FOXP1: variants seen among roughly 807,000 people sequenced by gnomAD.
FOXP1 encodes forkhead box P1.
FOXP1 carries 15 observed loss-of-function variants against 98.2 expected under a neutral mutation model. The observed-to-expected ratio is 0.15, with a 90% CI of 0.10 to 0.24. The LOEUF (loss-of-function observed/expected upper bound fraction) is 0.24. Ranked by LOEUF, FOXP1 falls within the 10% of genes least tolerant of loss-of-function variation. The pLI is 1.00. For missense variants in FOXP1, 633 were observed against 848.5 expected, an observed-to-expected ratio of 0.75 and a Z score of 3.15; for synonymous variants, 371 against 314.5, an observed-to-expected ratio of 1.18 and a Z score of -1.90.
chr3:71,077,295 T>C (rs2053896298), intron 7 of FOXP1, among the ~76,000 whole-genome samples: 1 of 152,180 alleles, frequency 6.6e-6, no homozygotes. Context: ...CCCTGAGGTC[T>C]CTTTTTAGTG....
At chr3:71,029,683 G>A (rs1559761659) in intron 11 of FOXP1, among the ~76,000 whole-genome samples, 1 of 152,086 alleles carries the variant, frequency 6.6e-6, no homozygotes. Context: ...CAGCCACCAC[G>A]CTGGGCCCAT....
intron 5 of FOXP1, among the ~76,000 whole-genome samples, chr3:71,251,050 G>T (rs894369703): frequency 6.6e-6 from 1 of 152,212 alleles, no homozygotes; most frequent in Non-Finnish European, 1.5e-5. Context: ...ACACGGTTTT[G>T]ATTAGAATTG....
intron 4 of FOXP1, among the ~76,000 whole-genome samples, chr3:71,322,118 T>G (rs2075424279): frequency 6.6e-6 from 1 of 152,208 alleles, no homozygotes; most frequent in South Asian, 2.1e-4. Flanking sequence ...TTGATACAAC[T>G]CTTACATCAT....
chr3:71,392,999 G>A (rs1236421011), intron 3 of FOXP1, among the ~76,000 whole-genome samples: 1 of 152,104 alleles, frequency 6.6e-6, no homozygotes, highest in African/African-American at 2.4e-5. Flanking sequence ...TATTGAGATA[G>A]CCTGATAATT....
intron 9 of FOXP1, among the ~76,000 whole-genome samples, chr3:71,049,092 T>C (rs191792126): frequency 5.3e-5 from 8 of 152,274 alleles, no homozygotes; most frequent in Admixed American, 1.3e-4. Flanking sequence ...CTTCTCACAA[T>C]TGAATGCATA....
At chr3:71,055,628 A>G (rs1000593237) in intron 7 of FOXP1, among the ~76,000 whole-genome samples, 1 of 152,298 alleles carries the variant, frequency 6.6e-6, no homozygotes, top group African/African-American at 2.4e-5. Context: ...ACCATCTACA[A>G]ATTAATTCCA....
intron 10 of FOXP1, among the ~76,000 whole-genome samples, chr3:71,044,213 C>T (rs1280107294): frequency 6.6e-6 from 1 of 152,102 alleles, no homozygotes; most frequent in Admixed American, 6.6e-5. Flanking sequence ...AACAAATTTC[C>T]AGAAAGTATG....
chr3:71,436,151 A>C (rs774954581), intron 3 of FOXP1, among the ~76,000 whole-genome samples: 1 of 151,886 alleles, frequency 6.6e-6, no homozygotes, highest in Non-Finnish European at 1.5e-5. Context: ...CATATTTCCC[A>C]AACTGTTCCT....
In FOXP1 at chr3:71,274,425, G is replaced by A. The variant is rs2070695640; in HGVS notation, c.-12+25395C>T. 2.0e-5 allele frequency among the ~76,000 whole-genome samples: 3 copies of A among 152,158 alleles called. No homozygotes were observed. In the South Asian group the frequency reaches 6.2e-4, roughly 32 times the overall value. ...ACCCCTTGGAGCAGCAAGGTGACAA[G>A]GATGGAGTTGCTGGAGCTCGTCACC... On this transcript the variant is annotated intron_variant, in intron 5 of 20. Transcript: ENST00000649528.
chr3:71,167,950 A>C lies in FOXP1; in HGVS notation c.180+30252T>G, dbSNP rs893287914. On this transcript the variant is annotated intron_variant, in intron 6 of 20. Transcript: ENST00000649528. The stretch of plus-strand genomic sequence containing the variant: ...AAATGCTGAGAATGATTTCAGATAA[A>C]GCATGTCCAAACTGAGCCAGTAAAC... 2.6e-5 allele frequency among the ~76,000 whole-genome samples: 4 copies of C among 152,332 alleles called. No individual in the cohort carries two copies. In the South Asian group the frequency reaches 8.3e-4, roughly 32 times the overall value.
rs145187439 is a variant in FOXP1, at chr3:71,088,034, G to T, written c.282+24502C>A. Among the ~76,000 whole-genome samples the T allele has an allele frequency of 3.6e-3, 547 of 152,326 alleles. 3 individuals are homozygous for T. The highest frequency in any genetic ancestry group is 3.9e-3 in the Non-Finnish European group (267 of 68,030). On this transcript the variant is annotated intron_variant, in intron 7 of 20. Coordinates refer to ENST00000649528, the MANE Select transcript of FOXP1 (RefSeq NM_001349338.3). ...TGTTTTCAGAGAAGGCTAAGCCAGG[G>T]CTGTAAGACTATGGTCAAAAAAGCA...
intron 4 of FOXP1, among the ~76,000 whole-genome samples, chr3:71,301,437 C>T (rs2073838672): frequency 6.6e-6 from 1 of 152,180 alleles, no homozygotes; most frequent in South Asian, 2.1e-4. Flanking sequence ...AAAGCGCACA[C>T]AGAAATTTCT....
At chr3:71,006,188 T>C (rs1275181503) in intron 12 of FOXP1, among the ~76,000 whole-genome samples, 2 of 152,118 alleles carry the variant, frequency 1.3e-5, no homozygotes, top group African/African-American at 4.8e-5. Flanking sequence ...TTGAACGTAA[T>C]GCCAAATGAG....
At chr3:71,434,858 A>G (rs143500236) in intron 3 of FOXP1, among the ~76,000 whole-genome samples, 2 of 152,214 alleles carry the variant, frequency 1.3e-5, no homozygotes, top group East Asian at 1.9e-4. Flanking sequence ...ACACACACAA[A>G]TAGAGAGACT....
At chr3:71,022,601 T>C (rs1429017675) in intron 11 of FOXP1, among the ~76,000 whole-genome samples, 1 of 152,196 alleles carries the variant, frequency 6.6e-6, no homozygotes. Context: ...GTGTAACTGT[T>C]CCTTTTACTG....
chr3:71,201,973 C>T (rs1223910550), intron 5 of FOXP1, among the ~76,000 whole-genome samples: 3 of 152,172 alleles, frequency 2.0e-5, no homozygotes, highest in Admixed American at 2.0e-4. Flanking sequence ...AGGTAGAATG[C>T]TGCTTTCAGA....
intron 5 of FOXP1, among the ~76,000 whole-genome samples, chr3:71,281,110 T>C (rs964826691): frequency 4.0e-5 from 6 of 149,156 alleles, no homozygotes; most frequent in Non-Finnish European, 8.9e-5. Context: ...ATGCCTGTAG[T>C]CCTAGCTACT....
chr3:71,463,613 C>A (rs2088386557), intron 3 of FOXP1, among the ~76,000 whole-genome samples: 1 of 152,136 alleles, frequency 6.6e-6, no homozygotes, highest in South Asian at 2.1e-4. Flanking sequence ...CAACTTCTAC[C>A]TCACGGGGTG....
At chr3:71,008,962 G>A (rs1283178741) in intron 12 of FOXP1, among the ~76,000 whole-genome samples, 2 of 151,970 alleles carry the variant, frequency 1.3e-5, no homozygotes, top group Non-Finnish European at 2.9e-5. Flanking sequence ...TGACAGATGG[G>A]ATTTTTATCC....
Sources: allele counts gnomAD v4.1 joint callset (sites outside exome capture counted in the v4.1 genomes callset), GRCh38; gene constraint gnomAD v4.1.1; transcripts MANE v1.5; gene names NCBI Gene and HGNC (gene_info 2026-07-23, HGNC 2026-07-21).